The following ZNF536 variants were observed in gnomAD, a reference collection of about 807,000 sequenced individuals.
The protein encoded by ZNF536 is zinc finger protein 536.
Under a neutral mutation model 84.5 loss-of-function variants are expected in ZNF536, and 13 were observed. The observed-to-expected ratio is 0.15, with a 90% confidence interval of 0.10 to 0.24. The LOEUF (loss-of-function observed/expected upper bound fraction) is 0.24. Among genes scored for constraint, ZNF536 ranks in the 10% least tolerant of loss-of-function variants. ZNF536 has a pLI of 1.00. For missense variants in ZNF536, 1,536 were observed against 1,747.5 expected, an observed-to-expected ratio of 0.88 and a Z score of 2.16; for synonymous variants, 811 against 742.5, an observed-to-expected ratio of 1.09 and a Z score of -1.50.
rs376146836 is a variant in ZNF536 at position 30,551,023 on chromosome 19, C to CT, written c.3895+1519dup. Among the ~76,000 whole-genome samples the CT allele has an allele frequency of 2.7e-3, 394 of 145,902 alleles. 3 individuals carry two copies. Among genetic ancestry groups the CT allele is most frequent in the African/African-American group, 8.7e-3 (347 of 40,040 alleles). On this transcript the variant is annotated intron_variant, in intron 4 of 4. Coordinates refer to ENST00000355537, the MANE Select transcript of ZNF536 (RefSeq NM_014717.3). Reference sequence around the variant, plus strand: ...TTTATGTTAGTCCAAATTTTTTCCCCTTTTTTTTTTAAACTGGGGGAGCAA... The same window carrying CT: ...TTTATGTTAGTCCAAATTTTTTCCCCTTTTTTTTTTTAAACTGGGGGAGCAA...
chr19:30,260,817 C>A (rs1297135648), intron 1 of ZNF536, among the ~76,000 whole-genome samples: 1 of 152,170 alleles, frequency 6.6e-6, no homozygotes, highest in Non-Finnish European at 1.5e-5. Flanking sequence ...GGCCTTCATA[C>A]CCCCAAGCCC....
At chr19:30,561,831 C>T (rs1261219149), downstream of ZNF536, among the ~76,000 whole-genome samples, 3 of 152,198 alleles carry the variant, frequency 2.0e-5, no homozygotes, top group Non-Finnish European at 4.4e-5. Context: ...AAGCAAGAGG[C>T]CATTGGTATT....
intron 2 of ZNF536, among the ~76,000 whole-genome samples, chr19:30,326,828 T>C (rs920912477): frequency 6.9e-6 from 1 of 145,950 alleles, no homozygotes; most frequent in African/African-American, 2.6e-5. Flanking sequence ...TGTTTTCTAG[T>C]TGGGCGCAGT....
Position 30,365,577 on chromosome 19 carries a change from G to T in ZNF536, c.-3+13093G>T, listed in dbSNP as rs575708326. Among the ~76,000 whole-genome samples, 13 of 152,300 alleles carry T rather than the reference G, an allele frequency of 8.5e-5. No homozygotes were observed. The South Asian group carries it at 1.4e-3, about 17-fold the overall frequency. On this transcript the variant is annotated intron_variant, in intron 3 of 5. Coordinates refer to the ZNF536 transcript ENST00000585628. ...TGCAGGCAAGGGCCACGAAGCCCAC[G>T]TCTGCTTCAGACAACCCAGCTGACC... is the stretch of plus-strand genomic sequence containing the variant.
At position 30,261,254 on chromosome 19, in the gene ZNF536, C is replaced by T. The variant is rs1405349098; in HGVS notation, c.-189-22818C>T. Among the ~76,000 whole-genome samples the T allele has an allele frequency of 2.0e-4, 28 of 138,622 alleles. No individual in the cohort carries two copies. In the East Asian group the frequency reaches 5.9e-3, roughly 29 times the overall value. The allele number at this position is 138,622 out of a possible 152,430, so 90.9% of individuals were successfully genotyped here. A position where few individuals can be genotyped will look rare whatever the true frequency, so the allele number is the denominator to read the frequency against. ...CGGAGCTTGCAGTGAGCCGAGATCC[C>T]GCCACTGCACTCCAGCCTGGGCGAC... On this transcript the variant is annotated intron_variant, in intron 1 of 5. Transcript: ENST00000585628.
intron 1 of ZNF536, among the ~76,000 whole-genome samples, chr19:30,375,309 C>CG (rs1392989772): frequency 6.6e-6 from 1 of 151,378 alleles, no homozygotes; most frequent in African/African-American, 2.4e-5. Context: ...CTTCACCTTA[C>CG]GGAGGGGAGA....
intron 1 of ZNF536, among the ~76,000 whole-genome samples, chr19:30,580,979 A>T (rs1682519986): frequency 6.6e-6 from 1 of 152,162 alleles, no homozygotes; most frequent in South Asian, 2.1e-4. Flanking sequence ...TCTGGAAGTG[A>T]TTTTCCTAGA....
At chr19:30,653,503 C>A (rs1211196531) in intron 1 of ZNF536, among the ~76,000 whole-genome samples, 1 of 152,212 alleles carries the variant, frequency 6.6e-6, no homozygotes, top group East Asian at 1.9e-4. Flanking sequence ...CAATTGGTTG[C>A]ACACAGTTTA....
intron 1 of ZNF536, among the ~76,000 whole-genome samples, chr19:30,595,757 C>T (rs1401815696): frequency 6.6e-6 from 1 of 152,186 alleles, no homozygotes. Context: ...GTTGGGTGGG[C>T]CCAGGGCCTT....
intron 2 of ZNF536, among the ~76,000 whole-genome samples, chr19:30,510,303 G>T (rs774095336): frequency 3.3e-5 from 5 of 152,138 alleles, no homozygotes; most frequent in Non-Finnish European, 5.9e-5. Flanking sequence ...AAATGAATAC[G>T]CAGATTGTTA....
In ZNF536 at chr19:30,229,081, C is replaced by A. The variant is rs144683458; in HGVS notation, c.-190+408C>A. Among the ~76,000 whole-genome samples, 58 of 152,188 alleles carry A rather than the reference C, an allele frequency of 3.8e-4. No homozygotes were observed. In the East Asian group the frequency reaches 9.7e-3, roughly 25 times the overall value. ...CCGCGCCGTAAATGCAAGCCTGTAG[C>A]CAAATGCTTCCCCCATTATTCTAAG... On this transcript the variant is annotated intron_variant, in intron 1 of 5. Transcript: ENST00000585628.
At chr19:30,337,344 C>A (rs1354835997) in intron 2 of ZNF536, among the ~76,000 whole-genome samples, 1 of 152,170 alleles carries the variant, frequency 6.6e-6, no homozygotes, top group Non-Finnish European at 1.5e-5. Flanking sequence ...CTCCCACCAC[C>A]GTCTGTGTCC....
At chr19:30,401,953 T>C (rs1285930690) in intron 1 of ZNF536, among the ~76,000 whole-genome samples, 1 of 152,246 alleles carries the variant, frequency 6.6e-6, no homozygotes, top group Non-Finnish European at 1.5e-5. Context: ...ATGTGCAATA[T>C]GGCTTATTTA....
intron 2 of ZNF536, among the ~76,000 whole-genome samples, chr19:30,289,574 A>G (rs12460472): frequency 0.31 from 46,719 of 152,138 alleles, 9,779 homozygotes; most frequent in East Asian, 0.6. Context: ...TGCAAGGGTT[A>G]GCTCATGAGG....
chr19:30,282,775 A>G (rs888538629), intron 1 of ZNF536, among the ~76,000 whole-genome samples: 11 of 152,178 alleles, frequency 7.2e-5, no homozygotes, highest in African/African-American at 1.9e-4. Context: ...ACACGGGGAA[A>G]AAAACAAAAA....
chr19:30,517,442 C>T (rs34417306), intron 2 of ZNF536, among the ~76,000 whole-genome samples: 14,701 of 152,100 alleles, frequency 0.097, 982 homozygotes, highest in Non-Finnish European at 0.15. Flanking sequence ...GTGGGGAGGA[C>T]GCATCCACTG....
chr19:30,309,334 C>A (rs2046430135), intron 2 of ZNF536, among the ~76,000 whole-genome samples: 1 of 152,130 alleles, frequency 6.6e-6, no homozygotes, highest in African/African-American at 2.4e-5. Context: ...TCCCGGGGGC[C>A]AGTGTGGACT....
At chr19:30,619,517 G>T (rs79299035) in intron 1 of ZNF536, among the ~76,000 whole-genome samples, 5,252 of 152,228 alleles carry the variant, frequency 0.035, 314 homozygotes, top group African/African-American at 0.12. Flanking sequence ...GTTGTCCCCA[G>T]AGAAGGGAGA....
chr19:30,622,526 C>A (rs987941443), intron 1 of ZNF536, among the ~76,000 whole-genome samples: 36 of 152,198 alleles, frequency 2.4e-4, no homozygotes, highest in Admixed American at 2.3e-3. Context: ...TTGCTGGAGT[C>A]GCATAATAGA....
Sources: gnomAD v4.1 joint callset for allele counts (sites outside exome capture counted in the v4.1 genomes callset) on GRCh38, gnomAD v4.1.1 for gene constraint, MANE v1.5 for transcripts, NCBI Gene and HGNC (gene_info 2026-07-23, HGNC 2026-07-21) for gene names.